KHDRBS2: variants seen among roughly 807,000 people sequenced by gnomAD.
KHDRBS2 encodes the protein KH domain-containing, RNA-binding, signal transduction-associated protein 2.
A neutral mutation model predicts 44.3 loss-of-function variants in KHDRBS2; 26 were observed. The observed-to-expected ratio is 0.59, with a 90% CI of 0.43 to 0.81. KHDRBS2 has a LOEUF of 0.81. KHDRBS2 is among the 40% of genes least tolerant of loss of function. The pLI is 0.00. For synonymous variants in KHDRBS2, 194 were observed against 151.1 expected, an observed-to-expected ratio of 1.28 and a Z score of -2.08; for missense variants, 476 against 433.1, an observed-to-expected ratio of 1.10 and a Z score of -0.88.
chr6:61,552,135 C>T, the KHDRBS2 span, among the ~76,000 whole-genome samples: 5 of 151,998 alleles, frequency 3.3e-5, no homozygotes, highest in Admixed American at 2.6e-4. Context: ...ATTGATTCCT[C>T]CTGTACATGA....
chr6:62,282,200 G>T (rs547184209), intron 1 of KHDRBS2, among the ~76,000 whole-genome samples: 22 of 152,238 alleles, frequency 1.4e-4, no homozygotes, highest in African/African-American at 5.3e-4. Flanking sequence ...TAACTCACAA[G>T]TTTGCATGTG....
In KHDRBS2 at chr6:61,772,759, T is replaced by C. The variant is rs1781172425; in HGVS notation, c.811-39995A>G. ...AACCCATTAACTCATCATCTAGTAT[T>C]AGGTATATCTCCTAAAGCTATCCCT... On this transcript the variant is annotated intron_variant, in intron 6 of 8. Coordinates refer to ENST00000281156, the MANE Select transcript of KHDRBS2 (RefSeq NM_152688.4). 4.6e-5 allele frequency among the ~76,000 whole-genome samples: 7 copies of C among 152,128 alleles called. No individual in the cohort carries two copies. In the South Asian group the frequency reaches 1.4e-3, roughly 32 times the overall value.
At chr6:61,848,818 G>A (rs1795029741) in intron 6 of KHDRBS2, among the ~76,000 whole-genome samples, 1 of 151,150 alleles carries the variant, frequency 6.6e-6, no homozygotes. Flanking sequence ...TAAAGACAGG[G>A]TAAATTTTTA....
At chr6:61,893,270 G>C (rs944880752) in intron 6 of KHDRBS2, among the ~76,000 whole-genome samples, 1 of 152,174 alleles carries the variant, frequency 6.6e-6, no homozygotes, top group African/African-American at 2.4e-5. Context: ...AGAGGATGTG[G>C]AGAAGTAGGA....
the KHDRBS2 span, among the ~76,000 whole-genome samples, chr6:61,586,895 A>C: frequency 6.6e-6 from 1 of 152,172 alleles, no homozygotes; most frequent in African/African-American, 2.4e-5. Context: ...TTTGAGGTTA[A>C]TCTAATATAA....
At chr6:61,820,031 A>T (rs1789635834) in intron 6 of KHDRBS2, among the ~76,000 whole-genome samples, 1 of 152,076 alleles carries the variant, frequency 6.6e-6, no homozygotes, top group Admixed American at 6.6e-5. Context: ...ACTCGTGCAA[A>T]CTAGAAAGTG....
intron 7 of KHDRBS2, among the ~76,000 whole-genome samples, chr6:61,698,283 C>T (rs1768146481): frequency 6.6e-6 from 1 of 152,038 alleles, no homozygotes; most frequent in Non-Finnish European, 1.5e-5. Context: ...CTCATTTTTC[C>T]AATCACTTAT....
the KHDRBS2 span, among the ~76,000 whole-genome samples, chr6:61,656,817 GGC>G: frequency 6.6e-6 from 1 of 151,850 alleles, no homozygotes; most frequent in Admixed American, 6.6e-5. Context: ...TGCACGTGAT[GGC>G]CTACTTTTGA....
intron 6 of KHDRBS2, among the ~76,000 whole-genome samples, chr6:61,828,091 T>G (rs529789): frequency 0.65 from 98,284 of 152,012 alleles, 32,789 homozygotes; most frequent in African/African-American, 0.82. Context: ...GAAAGAAGGA[T>G]CTGGGAGACA....
chr6:61,874,574 T>C (rs886230763), intron 6 of KHDRBS2, among the ~76,000 whole-genome samples: 4 of 152,190 alleles, frequency 2.6e-5, no homozygotes, highest in African/African-American at 7.2e-5. Context: ...CACAGCAATG[T>C]TGACCCTGGT....
intron 6 of KHDRBS2, among the ~76,000 whole-genome samples, chr6:61,771,180 A>C (rs1296991541): frequency 5.3e-5 from 8 of 152,224 alleles, no homozygotes; most frequent in Non-Finnish European, 1.2e-4. Flanking sequence ...AGAACTCCTG[A>C]AGGAAGCACT....
Position 61,894,559 on chromosome 6 carries a change from A to G in KHDRBS2, c.810+76T>C. ...ACATTACCTGCTATATTCACGGTAT[A>G]TGAACAGTTTGAGACGTAGCTTGTT... On this transcript the variant is annotated intron_variant, in intron 6 of 8. Coordinates refer to ENST00000281156, the MANE Select transcript of KHDRBS2 (RefSeq NM_152688.4). 2.5e-6 allele frequency: 3 copies of G among 1,184,886 alleles called. No individual in the cohort carries two copies. In the South Asian group the frequency reaches 3.9e-5, roughly 15 times the overall value. The allele number at this position is 1,184,886 out of a possible 1,614,324, so 73.4% of individuals were successfully genotyped here.
chr6:62,163,728 A>G (rs987539596), intron 2 of KHDRBS2, among the ~76,000 whole-genome samples: 5 of 152,008 alleles, frequency 3.3e-5, no homozygotes, highest in African/African-American at 1.2e-4. Context: ...TCAAATGTTA[A>G]CACGATCATT....
chr6:61,647,667 T>C, the KHDRBS2 span, among the ~76,000 whole-genome samples: 1 of 152,196 alleles, frequency 6.6e-6, no homozygotes, highest in African/African-American at 2.4e-5. Context: ...ATGTATGACA[T>C]GTATTGCAAC....
At chr6:62,161,030 AT>A (rs1444128168) in intron 2 of KHDRBS2, among the ~76,000 whole-genome samples, 1 of 152,062 alleles carries the variant, frequency 6.6e-6, no homozygotes, top group Non-Finnish European at 1.5e-5. Flanking sequence ...TGTCTTTATG[AT>A]TTTGACTACT....
At chr6:61,578,567 C>T in the KHDRBS2 span, among the ~76,000 whole-genome samples, 1 of 152,126 alleles carries the variant, frequency 6.6e-6, no homozygotes, top group Non-Finnish European at 1.5e-5. Context: ...TCTTAAAGTG[C>T]TTTTATCTGC....
chr6:61,949,888 A>G (rs778374525), intron 4 of KHDRBS2, among the ~76,000 whole-genome samples: 15 of 152,114 alleles, frequency 9.9e-5, no homozygotes, highest in Non-Finnish European at 1.9e-4. Flanking sequence ...TAAACTGGAA[A>G]TAGAAATTGG....
chr6:61,727,901 G>A (rs2127558787), intron 7 of KHDRBS2, among the ~76,000 whole-genome samples: 1 of 152,206 alleles, frequency 6.6e-6, no homozygotes, highest in East Asian at 1.9e-4. Context: ...AATACCCTTT[G>A]ACCCAGCAAT....
chr6:61,989,288 C>T (rs1214086753), intron 3 of KHDRBS2, among the ~76,000 whole-genome samples: 2 of 152,088 alleles, frequency 1.3e-5, no homozygotes. Context: ...AGATAGCATC[C>T]CTGTCTCCCA....
Sources: gnomAD v4.1 joint callset for allele counts (sites outside exome capture counted in the v4.1 genomes callset) on GRCh38, gnomAD v4.1.1 for gene constraint, MANE v1.5 for transcripts, NCBI Gene and HGNC (gene_info 2026-07-23, HGNC 2026-07-21) for gene names.